FBXL17: variants seen among roughly 807,000 people sequenced by gnomAD.
FBXL17 encodes the protein F-box and leucine rich repeat protein 17, also known as F-box/LRR-repeat protein 17.
FBXL17 carries 22 observed loss-of-function variants against 66.2 expected under a neutral mutation model. The observed-to-expected ratio is 0.33, with a 90% CI of 0.24 to 0.47. FBXL17 has a LOEUF of 0.47. Among genes scored for constraint, FBXL17 ranks in the 20% least tolerant of loss-of-function variants. The probability of loss-of-function intolerance (pLI) is 1.00; values close to 1 mark genes in which losing one functional copy is unlikely to be tolerated. For missense variants in FBXL17, 878 were observed against 948.2 expected, an observed-to-expected ratio of 0.93 and a Z score of 0.97; for synonymous variants, 474 against 400.5, an observed-to-expected ratio of 1.18 and a Z score of -2.19.
intron 4 of FBXL17, among the ~76,000 whole-genome samples, chr5:108,284,684 T>C (rs1433350272): frequency 6.6e-6 from 1 of 151,910 alleles, no homozygotes; most frequent in African/African-American, 2.4e-5. Flanking sequence ...ATTGCACATG[T>C]ACCCCATAAA....
chr5:108,035,632 G>A lies in FBXL17; in HGVS notation c.1746-14631C>T, dbSNP rs575876612. On this transcript the variant is annotated intron_variant, in intron 6 of 8. Transcript: ENST00000542267. ...TCCACCCGCCTCGGCCTCCCAAAGTGCTAGGATTACAGGCGTGAGCCACCA... is the reference window on the plus strand; with the variant it reads ...TCCACCCGCCTCGGCCTCCCAAAGTACTAGGATTACAGGCGTGAGCCACCA... Among the ~76,000 whole-genome samples the A allele has an allele frequency of 3.4e-4, 52 of 152,200 alleles. No homozygotes were observed. In the South Asian group the frequency reaches 1.0e-2, roughly 29 times the overall value.
chr5:108,052,332 T>C (rs1747518461), intron 6 of FBXL17, among the ~76,000 whole-genome samples: 1 of 152,130 alleles, frequency 6.6e-6, no homozygotes, highest in African/African-American at 2.4e-5. Flanking sequence ...CCAAAACTCC[T>C]TAAGCCACAA....
intron 7 of FBXL17, among the ~76,000 whole-genome samples, chr5:108,009,812 C>A (rs1754107451): frequency 6.6e-6 from 1 of 152,130 alleles, no homozygotes; most frequent in African/African-American, 2.4e-5. Flanking sequence ...GTGAAATCAT[C>A]AATCTGTCTG....
In FBXL17 at chr5:108,270,888, A is replaced by G. The variant is rs1452786593; in HGVS notation, c.1507-46660T>C. 2.0e-5 allele frequency among the ~76,000 whole-genome samples: 3 copies of G among 152,260 alleles called. No individual in the cohort carries two copies. In the East Asian group the frequency reaches 5.8e-4, roughly 29 times the overall value. On this transcript the variant is annotated intron_variant, in intron 4 of 8. Transcript: ENST00000542267. Reference sequence around the variant, plus strand: ...AGGGGGGAAAACCACATACACATAAAGACTAACAGACTGCTGAAATTCTCC... The same window carrying G: ...AGGGGGGAAAACCACATACACATAAGGACTAACAGACTGCTGAAATTCTCC...
chr5:108,329,263 G>A (rs1348221875), intron 4 of FBXL17, among the ~76,000 whole-genome samples: 1 of 152,060 alleles, frequency 6.6e-6, no homozygotes, highest in Admixed American at 6.5e-5. Context: ...AATAAAGATG[G>A]AAGTCCTGAA....
intron 7 of FBXL17, among the ~76,000 whole-genome samples, chr5:107,894,657 G>C (rs1749313448): frequency 6.6e-6 from 1 of 152,020 alleles, no homozygotes; most frequent in Non-Finnish European, 1.5e-5. Flanking sequence ...CATCCTGGGG[G>C]ACATTATATA....
chr5:107,982,515 C>T (rs1444069072), intron 7 of FBXL17, among the ~76,000 whole-genome samples: 1 of 151,864 alleles, frequency 6.6e-6, no homozygotes, highest in Non-Finnish European at 1.5e-5. Context: ...TATTTCAGAA[C>T]AAAACTTTCC....
intron 7 of FBXL17, among the ~76,000 whole-genome samples, chr5:108,001,842 TAA>T (rs11361605): frequency 1.4e-5 from 2 of 146,892 alleles, no homozygotes; most frequent in African/African-American, 4.9e-5. Context: ...ATCTCAAAAT[TAA>T]AAAAAAAAAA....
Position 108,326,184 on chromosome 5 carries a change from G to A in FBXL17, c.1506+22215C>T, listed in dbSNP as rs192745427. Among the ~76,000 whole-genome samples, 96 of 152,112 alleles carry A rather than the reference G, an allele frequency of 6.3e-4. 1 individual carries two copies. Among genetic ancestry groups the A allele is most frequent in the Admixed American group, 3.4e-3 (52 of 15,278 alleles). On this transcript the variant is annotated intron_variant, in intron 4 of 8. Coordinates refer to ENST00000542267, the MANE Select transcript of FBXL17 (RefSeq NM_001163315.3). ...TCTCTTCAAAAGACTCTATTAAAAC[G>A]AAAAGATACACACGTAGAAAAAGTA...
intron 7 of FBXL17, among the ~76,000 whole-genome samples, chr5:107,998,941 C>A (rs1271929750): frequency 6.6e-6 from 1 of 152,160 alleles, no homozygotes; most frequent in Non-Finnish European, 1.5e-5. Flanking sequence ...TCAGGTAATT[C>A]TCCACCATAC....
rs1054600482 is a variant in FBXL17 at position 108,098,305 on chromosome 5, T to G, written c.1746-77304A>C. On this transcript the variant is annotated intron_variant, in intron 6 of 8. Coordinates refer to ENST00000542267, the MANE Select transcript of FBXL17 (RefSeq NM_001163315.3). ...TAGCTTGAACTCAGATGGTGAAGGC[T>G]GCAGTGAGCCATGATCATGCCACTG... Among the ~76,000 whole-genome samples the G allele has an allele frequency of 2.0e-5, 3 of 152,170 alleles. No homozygotes were observed. In the East Asian group the frequency reaches 5.8e-4, roughly 29 times the overall value.
At chr5:107,924,131 G>T (rs1412554778) in intron 7 of FBXL17, among the ~76,000 whole-genome samples, 1 of 147,316 alleles carries the variant, frequency 6.8e-6, no homozygotes, top group Non-Finnish European at 1.5e-5. Context: ...TTGAACTCCT[G>T]GGCTCAGCCT....
Position 108,029,928 on chromosome 5 carries a change from C to A in FBXL17, c.1746-8927G>T, listed in dbSNP as rs141597124. 1.0e-2 allele frequency among the ~76,000 whole-genome samples: 1,515 copies of A among 151,994 alleles called. 22 individuals are homozygous for A. The highest frequency in any genetic ancestry group is 0.048 in the Middle Eastern group (14 of 294). ...ATCAGGCCATTTCAGTGGTTCCTAA[C>A]GTTAAAAAGTCCATTTGTCTGTAAA... On this transcript the variant is annotated intron_variant, in intron 6 of 8. Transcript: ENST00000542267.
chr5:108,000,284 A>G (rs918596973), intron 7 of FBXL17, among the ~76,000 whole-genome samples: 1 of 152,222 alleles, frequency 6.6e-6, no homozygotes, highest in African/African-American at 2.4e-5. Flanking sequence ...TCTTATACGC[A>G]TACTGCTAAG....
intron 4 of FBXL17, among the ~76,000 whole-genome samples, chr5:108,295,977 A>C (rs1758333160): frequency 6.7e-6 from 1 of 149,066 alleles, no homozygotes; most frequent in Non-Finnish European, 1.5e-5. Flanking sequence ...AAAAAAAAAA[A>C]AAAACCTTTC....
In FBXL17 at chr5:108,381,417, G is replaced by A; in HGVS notation, c.275C>T (p.Ala92Val). The change falls in exon 1 of 9, where the codon GCT becomes GTT. Residue 92 changes from alanine to valine, a missense_variant. Around this residue, in one of 4 missense-constraint regions of FBXL17, gnomAD observed 605 missense variants for 509.5 expected, o/e 1.19. Coordinates refer to ENST00000542267, the MANE Select transcript of FBXL17 (RefSeq NM_001163315.3). ...LSPPPRDGAY[A>V]AASSSQHLAR... The stretch of plus-strand genomic sequence containing the variant: ...CAGGTGCTGAGAGGAGGAGGCGGCA[G>A]CGTAGGCCCCGTCCCGCGGCGGCGG... 1 of 1,322,628 alleles carries A rather than the reference G, an allele frequency of 7.6e-7. No individual in the cohort carries two copies. Among genetic ancestry groups the A allele is most frequent in the South Asian group, 2.2e-5 (1 of 46,206 alleles). 81.9% of individuals were successfully genotyped at this position (1,322,628 alleles called of 1,614,324 possible).
At chr5:108,246,792 T>A (rs1756118071) in intron 4 of FBXL17, among the ~76,000 whole-genome samples, 1 of 152,236 alleles carries the variant, frequency 6.6e-6, no homozygotes, top group Non-Finnish European at 1.5e-5. Flanking sequence ...AGATTATATG[T>A]TAATCTGGAG....
At chr5:108,188,054 G>C (rs1753310405) in intron 5 of FBXL17, among the ~76,000 whole-genome samples, 1 of 152,130 alleles carries the variant, frequency 6.6e-6, no homozygotes, top group South Asian at 2.1e-4. Context: ...TAATTAATTT[G>C]TATTTAATTT....
chr5:108,039,392 T>C (rs1021066771), intron 6 of FBXL17, among the ~76,000 whole-genome samples: 2 of 152,040 alleles, frequency 1.3e-5, no homozygotes, highest in African/African-American at 4.8e-5. Flanking sequence ...TTGCATTTGA[T>C]CAAAGACAAA....
Sources: gnomAD v4.1 joint callset for allele counts (sites outside exome capture counted in the v4.1 genomes callset) on GRCh38, gnomAD v4.1.1 for gene constraint, gnomAD v4.1.1 regional missense constraint, MANE v1.5 for transcripts, NCBI Gene and HGNC (gene_info 2026-07-23, HGNC 2026-07-21) for gene names.